Variants in MEAK7 observed in about 807,000 individuals in gnomAD.
MEAK7 encodes MTOR associated protein MEAK7, also known as MTOR-associated protein MEAK7.
In MEAK7, 68 loss-of-function variants were observed where a neutral mutation model predicts 40.5. The observed-to-expected ratio is 1.68, with a 90% CI of 1.38 to 2.06. The LOEUF is 2.06. Among genes scored for constraint, MEAK7 ranks in the 30% most tolerant of loss-of-function variants. The probability of loss-of-function intolerance (pLI) is 0.00; values close to 1 mark genes in which losing one functional copy is unlikely to be tolerated. For synonymous variants in MEAK7, 338 were observed against 231.9 expected (o/e 1.46, Z -4.16); for missense variants, 918 against 580.5 (o/e 1.58, Z -5.98).
In MEAK7 at chr16:84,479,909, C is replaced by A; in HGVS notation, c.*4G>T. 6.3e-7 allele frequency: 1 copy of A among 1,590,644 alleles called. No homozygotes were observed. On this transcript the variant is annotated 3_prime_UTR_variant, in exon 8 of 8. Coordinates refer to ENST00000343629, the MANE Select transcript of MEAK7 (RefSeq NM_020947.4). Reference sequence around the variant, plus strand: ...CCTGGCTCCAGGAAGGCTCAGGCGGCTCCTCATTCATCGTCCGGGACTTCC... The same window carrying A: ...CCTGGCTCCAGGAAGGCTCAGGCGGATCCTCATTCATCGTCCGGGACTTCC...
In MEAK7 at chr16:84,489,454, G is replaced by T. The variant is rs534605160; in HGVS notation, c.385-32C>A. On this transcript the variant is annotated intron_variant, in intron 3 of 7. Coordinates refer to ENST00000343629, the MANE Select transcript of MEAK7 (RefSeq NM_020947.4). Reference sequence around the variant, plus strand: ...GATCACAATTTTACCATTAAAAACAGTTCCACCATATCCTGAGACCTATGT... The same window carrying T: ...GATCACAATTTTACCATTAAAAACATTTCCACCATATCCTGAGACCTATGT... 10 of 1,584,258 alleles carry T rather than the reference G, an allele frequency of 6.3e-6. No homozygotes were observed. The East Asian group carries it at 1.1e-4, about 18-fold the overall frequency.
chr16:84,504,419 C>T (rs1348160955), intron 1 of MEAK7, among the ~76,000 whole-genome samples, 182 bp downstream of exon 1: 2 of 151,818 alleles, frequency 1.3e-5, no homozygotes, highest in Admixed American at 6.5e-5. Flanking sequence ...CCGCTGTCCC[C>T]ACCCCTCACC....
chr16:84,495,426 C>G (rs1913957379), intron 3 of MEAK7, among the ~76,000 whole-genome samples: 1 of 152,140 alleles, frequency 6.6e-6, no homozygotes, highest in Admixed American at 6.5e-5. Context: ...GTAATGGGAC[C>G]AGACCCTCCC....
intron 5 of MEAK7, among the ~76,000 whole-genome samples, chr16:84,483,593 C>A (rs1327973763): frequency 6.6e-6 from 1 of 152,200 alleles, no homozygotes; most frequent in Non-Finnish European, 1.5e-5. Flanking sequence ...AAGAAGGGGG[C>A]ACCAAGACCA....
At chr16:84,498,881 C>A (rs1914271860) in intron 1 of MEAK7, among the ~76,000 whole-genome samples, 1 of 152,152 alleles carries the variant, frequency 6.6e-6, no homozygotes, top group African/African-American at 2.4e-5. Flanking sequence ...CCTTTGTGAT[C>A]CTGGCTCTGC....
At chr16:84,501,927 C>A (rs1488410506) in intron 1 of MEAK7, among the ~76,000 whole-genome samples, 1 of 152,076 alleles carries the variant, frequency 6.6e-6, no homozygotes, top group Non-Finnish European at 1.5e-5. Context: ...GGTGGATCTC[C>A]TGAGGTCGGG....
intron 1 of MEAK7, among the ~76,000 whole-genome samples, chr16:84,500,439 C>T (rs572077051): frequency 2.4e-4 from 36 of 152,368 alleles, no homozygotes; most frequent in African/African-American, 7.5e-4. Context: ...CACACCCCCA[C>T]TAAAGCGAGT....
chr16:84,483,070 C>T (rs1261312242), intron 5 of MEAK7, among the ~76,000 whole-genome samples: 4 of 152,266 alleles, frequency 2.6e-5, no homozygotes, highest in Admixed American at 1.3e-4. Flanking sequence ...GTGGTCACTC[C>T]GCAGAGACTG....
In MEAK7 at chr16:84,480,525, T is replaced by C. The variant is rs765502612; in HGVS notation, c.1257+4A>G. ...CCTGGGATGCAGAGGACAGCTCCAC[T>C]CACCAACTGCTCCTCTGAGGGGTCT... is the stretch of plus-strand genomic sequence containing the variant. On this transcript the variant is annotated splice_donor_region_variant and intron_variant, in intron 7 of 7. Transcript: ENST00000343629. 1.9e-6 allele frequency: 3 copies of C among 1,604,244 alleles called. No individual in the cohort carries two copies. Among genetic ancestry groups the C allele is most frequent in the Non-Finnish European group, 2.6e-6 (3 of 1,175,686 alleles).
At chr16:84,502,115 G>C (rs1030354168) in intron 1 of MEAK7, among the ~76,000 whole-genome samples, 2 of 151,860 alleles carry the variant, frequency 1.3e-5, no homozygotes, top group African/African-American at 4.8e-5. Flanking sequence ...TTGCACTCCA[G>C]CCTGGGCAAC....
chr16:84,489,895 G>A (rs913487613), intron 3 of MEAK7, among the ~76,000 whole-genome samples: 5 of 152,294 alleles, frequency 3.3e-5, no homozygotes, highest in African/African-American at 7.2e-5. Flanking sequence ...GTTGCAGCTC[G>A]CTTCCAACAG....
chr16:84,500,220 G>T (rs1326290645), intron 1 of MEAK7, among the ~76,000 whole-genome samples: 2 of 152,142 alleles, frequency 1.3e-5, no homozygotes, highest in African/African-American at 4.8e-5. Flanking sequence ...ATTAGCTGAA[G>T]GACACTGGGG....
Position 84,479,967 on chromosome 16 carries a change from G to T in MEAK7, c.1317C>A (p.Ile439=). Residue 439 remains isoleucine (I), a synonymous_variant, in exon 8 of 8, where the codon ATC becomes ATA. Coordinates refer to ENST00000343629, the MANE Select transcript of MEAK7 (RefSeq NM_020947.4). The stretch of plus-strand genomic sequence containing the variant: ...CTTCGCTGTGGCGCGAATGCCCACT[G>T]ATCTCCAGCAGGGCCTGGGCCTCAG... ...ADPEAQALLE[I]SGHSRHSEGL... 1.9e-6 allele frequency: 3 copies of T among 1,610,020 alleles called. No homozygotes were observed. The highest frequency in any genetic ancestry group is 2.5e-6 in the Non-Finnish European group (3 of 1,177,276).
intron 5 of MEAK7, 69 bp from the exon 6 acceptor site, chr16:84,482,779 C>T (rs540207298): frequency 9.2e-5 from 146 of 1,590,450 alleles, no homozygotes; most frequent in Non-Finnish European, 1.2e-4. Context: ...CCGGAAATGC[C>T]GGTAAGCTGC....
chr16:84,498,956 G>A (rs995275372), intron 1 of MEAK7, among the ~76,000 whole-genome samples: 1 of 152,152 alleles, frequency 6.6e-6, no homozygotes, highest in Non-Finnish European at 1.5e-5. Flanking sequence ...TTCCCCATTT[G>A]TAAAGCAAGA....
chr16:84,490,916 G>C (rs1386989942), intron 3 of MEAK7, among the ~76,000 whole-genome samples: 2 of 152,116 alleles, frequency 1.3e-5, no homozygotes, highest in African/African-American at 4.8e-5. Context: ...GTTTCTGAGA[G>C]AAATTTGTTT....
In MEAK7 at chr16:84,480,531, A is replaced by C; in HGVS notation, c.1255T>G (p.Leu419Val). 1.9e-6 allele frequency: 3 copies of C among 1,606,390 alleles called. No homozygotes were observed. Among genetic ancestry groups the C allele is most frequent in the Non-Finnish European group, 2.5e-6 (3 of 1,176,658 alleles). ...ATGCAGAGGACAGCTCCACTCACCA[A>C]CTGCTCCTCTGAGGGGTCTCCAACC... Reference protein sequence around the residue: ...WAVGDPSEEQLAKGNKSILDA... With the variant: ...WAVGDPSEEQVAKGNKSILDA... The change falls in exon 7 of 8, where the codon TTG becomes GTG. Residue 419 changes from leucine to valine, a missense_variant and splice_region_variant. Physicochemically the swap from Leu to Val is conservative, Grantham distance 32 (BLOSUM62 1). Transcript: ENST00000343629.
rs1015424826 is a variant in MEAK7 at position 84,479,169 on chromosome 16, T to TCC, written c.*742_*743dup. 3.9e-5 allele frequency: 6 copies of TCC among 152,182 alleles called. No individual in the cohort carries two copies. The highest frequency in any genetic ancestry group is 1.4e-4 in the African/African-American group (6 of 41,436). The allele number at this position is 152,182 out of a possible 1,614,324, so 9.4% of individuals were successfully genotyped here. A position where few individuals can be genotyped will look rare whatever the true frequency, so the allele number is the denominator to read the frequency against. On this transcript the variant is annotated 3_prime_UTR_variant, in exon 8 of 8. Coordinates refer to ENST00000343629, the MANE Select transcript of MEAK7 (RefSeq NM_020947.4). Reference sequence around the variant, plus strand: ...TACCTCAAAGTCTCCTGCCTCCATTTCCCCATTTTATACACAGTTCATGCT... The same window carrying TCC: ...TACCTCAAAGTCTCCTGCCTCCATTTCCCCCCATTTTATACACAGTTCATGCT...
chr16:84,489,301 A>G lies in MEAK7; in HGVS notation c.506T>C (p.Leu169Pro). 1 of 1,614,110 alleles carries G rather than the reference A, an allele frequency of 6.2e-7. No individual in the cohort carries two copies. The highest frequency in any genetic ancestry group is 8.5e-7 in the Non-Finnish European group (1 of 1,179,986). ...GCCTTGCAGCTTCATGTCAGAGAGC[A>G]GCTGAGCAGCCAGCACCTGCACCCG... ...NPRVQVLAAQ[L>P]LSDMKLQDGK... The change falls in exon 4 of 8, where the codon CTG becomes CCG. Residue 169 changes from leucine (L) to proline (P), a missense_variant. By Grantham distance (98) the Leu-to-Pro change is moderately conservative. Coordinates refer to ENST00000343629, the MANE Select transcript of MEAK7 (RefSeq NM_020947.4).
Sources: allele counts gnomAD v4.1 joint callset (sites outside exome capture counted in the v4.1 genomes callset), GRCh38; gene constraint gnomAD v4.1.1; transcripts MANE v1.5; gene names NCBI Gene and HGNC (gene_info 2026-07-23, HGNC 2026-07-21).